Variants in GUCY2F observed in about 807,000 individuals in gnomAD.
The protein encoded by GUCY2F is retinal guanylyl cyclase 2.
A neutral mutation model predicts 73.1 loss-of-function variants in GUCY2F; 61 were observed. The observed-to-expected ratio is 0.83, with a 90% CI of 0.68 to 1.03. GUCY2F has a LOEUF of 1.03. Among genes scored for constraint, GUCY2F ranks in the 50% least tolerant of loss-of-function variants. The pLI is 0.00. For synonymous variants in GUCY2F, 331 were observed against 307.8 expected, an observed-to-expected ratio of 1.08 and a Z score of -0.79; for missense variants, 912 against 854.3, an observed-to-expected ratio of 1.07 and a Z score of -0.84.
At chrX:109,437,991 G>A (rs1469349131) in intron 7 of GUCY2F, among the ~76,000 whole-genome samples, 1 of 112,533 alleles carries the variant, frequency 8.9e-6, no homozygotes, top group Non-Finnish European at 1.9e-5. Flanking sequence ...AAGATCCAGA[G>A]GTTTCCTGCT....
chrX:109,439,129 A>G, intron 7 of GUCY2F, among the ~76,000 whole-genome samples: 1 of 111,729 alleles, frequency 9.0e-6, no homozygotes, highest in Non-Finnish European at 1.9e-5. Flanking sequence ...GCCAAGCCAC[A>G]CCTTGGACCA....
intron 10 of GUCY2F, among the ~76,000 whole-genome samples, chrX:109,403,149 C>T (rs1399647331): frequency 9.0e-5 from 10 of 111,072 alleles, no homozygotes; most frequent in Non-Finnish European, 1.5e-4. Context: ...ATTTCCTATA[C>T]GTATTTCATC....
intron 7 of GUCY2F, among the ~76,000 whole-genome samples, chrX:109,440,454 G>A (rs1931843238): frequency 9.0e-6 from 1 of 111,667 alleles, no homozygotes; most frequent in African/African-American, 3.3e-5. Flanking sequence ...TAAGGTCCCT[G>A]TCAATTATTT....
At chrX:109,408,481 G>T (rs1256105404) in intron 9 of GUCY2F, among the ~76,000 whole-genome samples, 2 of 111,962 alleles carry the variant, frequency 1.8e-5, no homozygotes, top group African/African-American at 6.5e-5. Flanking sequence ...AGGCATGATT[G>T]GTTTTGAAAT....
chrX:109,401,960 G>C (rs926441632), intron 10 of GUCY2F, among the ~76,000 whole-genome samples: 3 of 111,471 alleles, frequency 2.7e-5, no homozygotes, highest in Non-Finnish European at 5.6e-5. Context: ...CATAAAGCAG[G>C]GGGGTAGTGG....
At chrX:109,385,676 A>T (rs1340330994) in intron 15 of GUCY2F, among the ~76,000 whole-genome samples, 1 of 112,126 alleles carries the variant, frequency 8.9e-6, no homozygotes, top group Non-Finnish European at 1.9e-5. Flanking sequence ...AAAGGCTTTC[A>T]TGGGTTTATC....
intron 17 of GUCY2F, among the ~76,000 whole-genome samples, chrX:109,376,479 C>T (rs992823696): frequency 1.8e-5 from 2 of 112,275 alleles, no homozygotes; most frequent in Non-Finnish European, 3.8e-5. Flanking sequence ...ATTAGGTAAG[C>T]CATTGTCTTC....
At chrX:109,459,071 G>T (rs1170054874) in intron 3 of GUCY2F, among the ~76,000 whole-genome samples, 10 of 110,980 alleles carry the variant, frequency 9.0e-5, no homozygotes, top group Admixed American at 7.7e-4. Context: ...TAGACTTCCT[G>T]ATTAAAAATA....
In GUCY2F at chrX:109,430,292, G is replaced by C; in HGVS notation, c.1791+15C>G. 1.2e-6 allele frequency: 1 copy of C among 859,597 alleles called. No individual in the cohort carries two copies. Among genetic ancestry groups the C allele is most frequent in the Non-Finnish European group, 1.7e-6 (1 of 578,725 alleles). 70.8% of individuals were successfully genotyped at this position (859,597 alleles called of 1,213,427 possible). ...TATTTTAGTGGGAATTTACATAAAC[G>C]AAGATTTCTCATACCATTTCGAACA... On this transcript the variant is annotated intron_variant, in intron 8 of 19. Coordinates refer to ENST00000218006, the MANE Select transcript of GUCY2F (RefSeq NM_001522.3).
chrX:109,444,880 C>G (rs1242947574), intron 6 of GUCY2F, among the ~76,000 whole-genome samples: 1 of 111,646 alleles, frequency 9.0e-6, no homozygotes, highest in Non-Finnish European at 1.9e-5. Flanking sequence ...TTTCAAAATT[C>G]TGGCTTTTTT....
chrX:109,432,710 TC>T (rs1173447549), intron 7 of GUCY2F, among the ~76,000 whole-genome samples: 2 of 112,169 alleles, frequency 1.8e-5, no homozygotes, highest in East Asian at 5.6e-4. Context: ...TATGGATACA[TC>T]CCCCAGACAC....
chrX:109,395,371 T>A lies in GUCY2F; in HGVS notation c.2394A>T (p.Gln798His), dbSNP rs760578826. ...MKQCWAEAAE[Q>H]RPTFDEIFNQ... ...TAAATATTTCATCAAAAGTTGGTCG[T>A]TGTTCTGCAGCCTCAGCCCAGCACT... Residue 798 changes from glutamine to histidine, a missense_variant, in exon 12 of 20, where the codon CAA (glutamine) becomes CAT (histidine). Physicochemically the swap from Gln to His is conservative, Grantham distance 24. Coordinates refer to ENST00000218006, the MANE Select transcript of GUCY2F (RefSeq NM_001522.3). 1 of 1,208,492 alleles carries A rather than the reference T, an allele frequency of 8.3e-7. No individual in the cohort carries two copies.
At chrX:109,473,756 A>G (rs1473385082) in intron 2 of GUCY2F, among the ~76,000 whole-genome samples, 3 of 112,019 alleles carry the variant, frequency 2.7e-5, no homozygotes, top group Non-Finnish European at 3.8e-5. Context: ...AGAGGCCAAA[A>G]TGTCATTTCA....
At chrX:109,415,217 C>G (rs1931213101) in intron 8 of GUCY2F, among the ~76,000 whole-genome samples, 1 of 112,249 alleles carries the variant, frequency 8.9e-6, no homozygotes, top group Non-Finnish European at 1.9e-5. Context: ...CTGAGGACAT[C>G]TGCTGATTTC....
intron 1 of GUCY2F, among the ~76,000 whole-genome samples, chrX:109,479,366 C>G (rs1192595340): frequency 1.8e-5 from 2 of 112,031 alleles, no homozygotes; most frequent in South Asian, 3.7e-4. Context: ...TTCTTCCTCC[C>G]TATTTGGAAA....
chrX:109,389,335 T>C lies in GUCY2F; in HGVS notation c.2782-672A>G, dbSNP rs377670750. On this transcript the variant is annotated intron_variant, in intron 14 of 19. Transcript: ENST00000218006. ...CCTCACCTTCCCCACAGAAGTGTGC[T>C]CACTTTTAGATAACCAGTAAGTTGA... Among the ~76,000 whole-genome samples the C allele has an allele frequency of 8.0e-5, 9 of 112,159 alleles. No individual in the cohort carries two copies. The South Asian group carries it at 1.5e-3, about 19-fold the overall frequency.
intron 10 of GUCY2F, among the ~76,000 whole-genome samples, chrX:109,403,675 C>A (rs775836750): frequency 8.9e-6 from 1 of 112,130 alleles, no homozygotes; most frequent in Admixed American, 9.4e-5. Flanking sequence ...AATAAAACCC[C>A]CAACTTTTCT....
intron 5 of GUCY2F, among the ~76,000 whole-genome samples, chrX:109,449,227 A>T (rs1183063271): frequency 8.9e-6 from 1 of 112,469 alleles, no homozygotes; most frequent in Non-Finnish European, 1.9e-5. Context: ...ATGTCACTGC[A>T]GCTTTAAGTA....
chrX:109,411,875 G>A (rs746598706), intron 8 of GUCY2F, among the ~76,000 whole-genome samples: 6 of 111,920 alleles, frequency 5.4e-5, no homozygotes, highest in African/African-American at 1.6e-4. Flanking sequence ...TGAAGAGCGG[G>A]AAAAGGAAGA....
Sources: allele counts gnomAD v4.1 joint callset (sites outside exome capture counted in the v4.1 genomes callset), GRCh38; gene constraint gnomAD v4.1.1; transcripts MANE v1.5; gene names NCBI Gene and HGNC (gene_info 2026-07-23, HGNC 2026-07-21).